Variants in DSCAM observed in about 807,000 individuals in gnomAD.
DSCAM encodes cell adhesion molecule DSCAM.
A neutral mutation model predicts 217.7 loss-of-function variants in DSCAM; 47 were observed. That is an observed-to-expected ratio of 0.22 (90% CI 0.17 to 0.28). The LOEUF (loss-of-function observed/expected upper bound fraction) is 0.28, where lower values mean the gene tolerates loss of function less well. Ranked by LOEUF, DSCAM falls within the 10% of genes least tolerant of loss-of-function variation. The pLI, the probability that DSCAM is intolerant of heterozygous loss-of-function variation, is 1.00. For missense variants in DSCAM, 2,080 were observed against 2,618.3 expected, an observed-to-expected ratio of 0.79 and a Z score of 4.49; for synonymous variants, 1,056 against 1,015.3, an observed-to-expected ratio of 1.04 and a Z score of -0.76.
chr21:40,187,499 G>A (rs2090908339), intron 13 of DSCAM, among the ~76,000 whole-genome samples: 1 of 152,160 alleles, frequency 6.6e-6, no homozygotes, highest in South Asian at 2.1e-4. Context: ...GATATAAAAT[G>A]TCACGATTCT....
intron 1 of DSCAM, among the ~76,000 whole-genome samples, chr21:40,738,739 C>T (rs576787701): frequency 1.3e-5 from 2 of 152,300 alleles, no homozygotes; most frequent in African/African-American, 2.4e-5. Flanking sequence ...CATCGAGTGA[C>T]GTTGATGCTG....
chr21:40,507,271 C>A (rs959379524), intron 3 of DSCAM, among the ~76,000 whole-genome samples: 14 of 151,786 alleles, frequency 9.2e-5, no homozygotes, highest in South Asian at 2.1e-4. Flanking sequence ...AGCTAGAATA[C>A]ATCTCAAAAA....
At chr21:40,487,455 T>C (rs567589190) in intron 3 of DSCAM, among the ~76,000 whole-genome samples, 9 of 152,060 alleles carry the variant, frequency 5.9e-5, no homozygotes, top group African/African-American at 1.9e-4. Flanking sequence ...GGCTTGGGTG[T>C]TGCATGAGGT....
chr21:40,343,813 G>A lies in DSCAM; in HGVS notation c.1210+3857C>T, dbSNP rs2074525678. On this transcript the variant is annotated intron_variant, in intron 6 of 32. Coordinates refer to ENST00000400454, the MANE Select transcript of DSCAM (RefSeq NM_001389.5). ...TATTATATTTACTCTATAATAAAGT[G>A]TTATTTTATTTTACTTTATTTTATT... Among the ~76,000 whole-genome samples, 4 of 141,668 alleles carry A rather than the reference G, an allele frequency of 2.8e-5. No individual in the cohort carries two copies. In the Admixed American group the frequency reaches 2.9e-4, roughly 10 times the overall value. 92.9% of individuals were successfully genotyped at this position (141,668 alleles called of 152,430 possible).
chr21:40,829,684 T>C (rs1244604978), intron 1 of DSCAM, among the ~76,000 whole-genome samples: 3 of 152,252 alleles, frequency 2.0e-5, no homozygotes, highest in Non-Finnish European at 2.9e-5. Context: ...TCACCTAGTG[T>C]TGTCTGCTGA....
chr21:40,786,038 G>A (rs1446528172), intron 1 of DSCAM, among the ~76,000 whole-genome samples: 12 of 152,080 alleles, frequency 7.9e-5, no homozygotes, highest in Admixed American at 7.9e-4. Flanking sequence ...GGAGTTCCAG[G>A]CCAGCCTGAC....
rs116957671 is a variant in DSCAM at position 40,223,608 on chromosome 21, C to T, written c.2357-34370G>A. Among the ~76,000 whole-genome samples the T allele has an allele frequency of 8.0e-3, 1,212 of 152,236 alleles. 10 individuals are homozygous for T. The highest frequency in any genetic ancestry group is 0.011 in the Non-Finnish European group (734 of 68,024). On this transcript the variant is annotated intron_variant, in intron 11 of 32. Coordinates refer to ENST00000400454, the MANE Select transcript of DSCAM (RefSeq NM_001389.5). ...AATTAGAAACACACATGCTCAGACACATCCATGTATCTATCTAAATAGATT... is the reference window on the plus strand; with the variant it reads ...AATTAGAAACACACATGCTCAGACATATCCATGTATCTATCTAAATAGATT...
chr21:40,549,118 T>C (rs950203396), intron 3 of DSCAM, among the ~76,000 whole-genome samples: 1 of 152,092 alleles, frequency 6.6e-6, no homozygotes, highest in African/African-American at 2.4e-5. Flanking sequence ...GGCGTGAGGA[T>C]CACCTGAGCC....
chr21:40,486,060 AGCT>A (rs1304788601), intron 3 of DSCAM, among the ~76,000 whole-genome samples: 8 of 152,246 alleles, frequency 5.3e-5, no homozygotes, highest in African/African-American at 1.9e-4. Flanking sequence ...CCTGAGATAT[AGCT>A]AATATTCAAA....
chr21:40,731,401 G>A (rs894368024), intron 1 of DSCAM, among the ~76,000 whole-genome samples: 1 of 152,184 alleles, frequency 6.6e-6, no homozygotes, highest in African/African-American at 2.4e-5. Context: ...ATAAGGAGGG[G>A]AAAGTTGAGG....
intron 3 of DSCAM, among the ~76,000 whole-genome samples, chr21:40,527,587 A>C (rs1167097960): frequency 6.6e-6 from 1 of 152,232 alleles, no homozygotes; most frequent in African/African-American, 2.4e-5. Flanking sequence ...GACTGAACCT[A>C]GCTGACAGCA....
intron 3 of DSCAM, among the ~76,000 whole-genome samples, chr21:40,518,840 C>T (rs935584765): frequency 6.6e-6 from 1 of 151,700 alleles, no homozygotes; most frequent in Admixed American, 6.6e-5. Flanking sequence ...ATTTCATTAT[C>T]ATGCAAACAC....
chr21:40,327,259 T>C (rs1024387330), intron 8 of DSCAM, among the ~76,000 whole-genome samples: 2 of 152,146 alleles, frequency 1.3e-5, no homozygotes, highest in African/African-American at 4.8e-5. Context: ...TTGGCATTCT[T>C]TTCCCTTTCT....
Position 40,187,875 on chromosome 21 carries a change from G to T in DSCAM, c.2650+16C>A, listed in dbSNP as rs548416404. The stretch of plus-strand genomic sequence containing the variant: ...GAAATGACTGTGTTTATTCTCTTAC[G>T]CTATCGTCTTCCTACCTTGCACTGT... On this transcript the variant is annotated intron_variant, in intron 13 of 32. Coordinates refer to ENST00000400454, the MANE Select transcript of DSCAM (RefSeq NM_001389.5). 1.9e-6 allele frequency: 3 copies of T among 1,596,146 alleles called. No homozygotes were observed. The highest frequency in any genetic ancestry group is 2.6e-6 in the Non-Finnish European group (3 of 1,163,722).
At position 40,262,052 on chromosome 21, in the gene DSCAM, G is replaced by GCTTTCTTTCTTT. The variant is rs917648677; in HGVS notation, c.2356+14033_2356+14044dup. On this transcript the variant is annotated intron_variant, in intron 11 of 32. Transcript: ENST00000400454. Reference sequence around the variant, plus strand: ...CTCCCTCCCTCTCTCTCTCCCTCTCGCTTTCTTTCTTTCTTTCTGTCCATG... The same window carrying GCTTTCTTTCTTT: ...CTCCCTCCCTCTCTCTCTCCCTCTCGCTTTCTTTCTTTCTTTCTTTCTTTCTTTCTGTCCATG... Among the ~76,000 whole-genome samples the GCTTTCTTTCTTT allele has an allele frequency of 2.4e-3, 361 of 150,544 alleles. 2 individuals are homozygous for GCTTTCTTTCTTT. Among genetic ancestry groups the GCTTTCTTTCTTT allele is most frequent in the African/African-American group, 8.5e-3 (348 of 40,996 alleles).
At chr21:40,556,411 T>C (rs2076672193) in intron 3 of DSCAM, among the ~76,000 whole-genome samples, 1 of 152,212 alleles carries the variant, frequency 6.6e-6, no homozygotes. Context: ...AAAAACGTTA[T>C]TAAGAAAATT....
chr21:40,259,781 C>T (rs956445082), intron 11 of DSCAM, among the ~76,000 whole-genome samples: 5 of 142,632 alleles, frequency 3.5e-5, no homozygotes, highest in Non-Finnish European at 7.6e-5. Context: ...TCACGCTATT[C>T]TCCTGCCTCA....
intron 3 of DSCAM, chr21:40,383,355 G>GA (rs1406576528): frequency 6.6e-6 from 1 of 152,250 alleles, no homozygotes; most frequent in South Asian, 2.1e-4. Flanking sequence ...GAAAAGAAAA[G>GA]AAAAGAAAAT....
intron 3 of DSCAM, among the ~76,000 whole-genome samples, chr21:40,398,668 C>T (rs1985799): frequency 0.09 from 12,792 of 142,708 alleles, 851 homozygotes; most frequent in Admixed American, 0.25. Flanking sequence ...TGGAGTCTCA[C>T]TCTGCCGCCA....
Sources: allele counts gnomAD v4.1 joint callset (sites outside exome capture counted in the v4.1 genomes callset), GRCh38; gene constraint gnomAD v4.1.1; transcripts MANE v1.5; gene names NCBI Gene and HGNC (gene_info 2026-07-23, HGNC 2026-07-21).